The following CACNA1C variants were observed in gnomAD, a reference collection of about 807,000 sequenced individuals.
The protein encoded by CACNA1C is calcium voltage-gated channel subunit alpha1 C, also known as voltage-dependent L-type calcium channel subunit alpha-1C.
Under a neutral mutation model 229.0 loss-of-function variants are expected in CACNA1C, and 30 were observed. The ratio of observed to expected loss-of-function variants is 0.13; its 90% CI spans 0.10 to 0.18. The LOEUF is 0.18. Ranked by LOEUF, CACNA1C falls within the 10% of genes least tolerant of loss-of-function variation. The pLI is 1.00. For missense variants in CACNA1C, 1,658 were observed against 2,845.0 expected (o/e 0.58, Z 9.49); for synonymous variants, 1,114 against 1,132.5 (o/e 0.98, Z 0.33).
Position 2,354,077 on chromosome 12 carries a change from G to A in CACNA1C, c.478-94899G>A, listed in dbSNP as rs1388367926. Among the ~76,000 whole-genome samples the A allele has an allele frequency of 6.6e-6, 1 of 152,234 alleles. No homozygotes were observed. Among genetic ancestry groups the A allele is most frequent in the Non-Finnish European group, 1.5e-5 (1 of 68,028 alleles). Reference sequence around the variant, plus strand: ...GCAGGGTCCCGGGAGCTGGGTGAAAGTGGCAGAGCTGGGAGGTTGCTCTGA... The same window carrying A: ...GCAGGGTCCCGGGAGCTGGGTGAAAATGGCAGAGCTGGGAGGTTGCTCTGA... On this transcript the variant is annotated intron_variant, in intron 3 of 46. Transcript: ENST00000399655. This position sits in a 1 kb window ranked among gnomAD's most constrained non-coding sequence, Gnocchi z 4.6.
chr12:2,185,414 C>T (rs2096967518), intron 3 of CACNA1C, among the ~76,000 whole-genome samples: 1 of 152,204 alleles, frequency 6.6e-6, no homozygotes, highest in African/African-American at 2.4e-5. Flanking sequence ...TTGGGTCCCC[C>T]CAAAACTCAT....
At chr12:2,044,643 C>T (rs959668075) in intron 1 of CACNA1C, among the ~76,000 whole-genome samples, 4 of 152,080 alleles carry the variant, frequency 2.6e-5, no homozygotes, top group Non-Finnish European at 5.9e-5. Flanking sequence ...GGGATGGGAC[C>T]GCTGCAGGTT....
At chr12:2,202,983 G>C (rs974157141) in intron 3 of CACNA1C, among the ~76,000 whole-genome samples, 3 of 152,118 alleles carry the variant, frequency 2.0e-5, no homozygotes, top group Non-Finnish European at 4.4e-5. Flanking sequence ...CTAGGAGCTG[G>C]CCATTTGTAC....
Position 2,689,137 on chromosome 12 carries a change from A to T in CACNA1C, c.6117+358A>T, listed in dbSNP as rs1457478010. Among the ~76,000 whole-genome samples the T allele has an allele frequency of 2.6e-5, 4 of 152,066 alleles. No homozygotes were observed. The East Asian group carries it at 7.8e-4, about 29-fold the overall frequency. On this transcript the variant is annotated intron_variant, in intron 46 of 46. Transcript: ENST00000399655. The surrounding 1 kb of genome is among the most constrained non-coding windows in gnomAD (Gnocchi z 4.2). ...GACTGCCCGTGAGCATCACCTGGGG[A>T]GCTTTGGAAACCCGGGACAGATTAA... is the stretch of plus-strand genomic sequence containing the variant.
At chr12:2,116,209 C>G (rs956695389) in intron 2 of CACNA1C, among the ~76,000 whole-genome samples, 5 of 152,204 alleles carry the variant, frequency 3.3e-5, no homozygotes, top group Non-Finnish European at 7.4e-5. Flanking sequence ...TTCTAATGTG[C>G]AGACAAAGTT....
At chr12:2,610,764 G>GTAA in intron 28 of CACNA1C, 65 bp downstream of exon 28, 1 of 1,552,246 alleles carries the variant, frequency 6.4e-7, no homozygotes, top group East Asian at 2.3e-5. Context: ...GATGGAAAGT[G>GTAA]TAACGGAGCG....
At chr12:2,035,900 A>G (rs185410291) in intron 1 of CACNA1C, among the ~76,000 whole-genome samples, 522 of 152,024 alleles carry the variant, frequency 3.4e-3, no homozygotes, top group Non-Finnish European at 6.6e-3. Context: ...CTAAATCTCC[A>G]CCGTTGTGAT....
intron 9 of CACNA1C, among the ~76,000 whole-genome samples, chr12:2,515,407 T>A (rs2099794476): frequency 6.6e-6 from 1 of 152,208 alleles, no homozygotes; most frequent in Non-Finnish European, 1.5e-5. Flanking sequence ...CTTGAGAATT[T>A]CATAGATTGC....
exon 1 of CACNA1C, chr12:1,970,940 T>C (rs2032026345): frequency 2.3e-6 from 1 of 437,268 alleles, no homozygotes; most frequent in African/African-American, 2.1e-5. Context: ...ATGTCAACTT[T>C]TGTGGCACTG....
intron 3 of CACNA1C, 146 bp from the exon 4 acceptor site, chr12:2,448,830 T>C (rs1596535932): frequency 3.4e-6 from 2 of 592,262 alleles, no homozygotes; most frequent in East Asian, 2.9e-5. Flanking sequence ...GTGGAGTTGC[T>C]AATTTGGCCT....
intron 1 of CACNA1C, among the ~76,000 whole-genome samples, chr12:2,006,792 G>C (rs1192398367): frequency 6.6e-6 from 1 of 152,212 alleles, no homozygotes; most frequent in Non-Finnish European, 1.5e-5. Context: ...GTCATTTGCA[G>C]TCTGACTGAG....
At chr12:2,070,960 TC>T (rs2060977488) in intron 1 of CACNA1C, among the ~76,000 whole-genome samples, 1 of 82,586 alleles carries the variant, frequency 1.2e-5, no homozygotes, top group African/African-American at 4.4e-5. Flanking sequence ...CCTCCCTCCC[TC>T]CCTGCCTGCC....
intron 3 of CACNA1C, among the ~76,000 whole-genome samples, chr12:2,260,475 T>TAAAAA (rs549203538): frequency 9.9e-6 from 1 of 100,986 alleles, no homozygotes; most frequent in East Asian, 2.7e-4. Flanking sequence ...CTGTCTCTAT[T>TAAAAA]AAAAAAAAAA....
At chr12:2,439,314 C>G (rs185438470) in intron 3 of CACNA1C, among the ~76,000 whole-genome samples, 50 of 152,332 alleles carry the variant, frequency 3.3e-4, no homozygotes, top group Admixed American at 8.5e-4. Flanking sequence ...TGTTCAAACG[C>G]TGGACACCAG....
chr12:2,264,036 A>G (rs530959880), intron 3 of CACNA1C, among the ~76,000 whole-genome samples: 18 of 152,360 alleles, frequency 1.2e-4, no homozygotes, highest in Admixed American at 5.9e-4. Flanking sequence ...CCCAAAGAGC[A>G]GCAGAGTAGC....
chr12:2,161,863 T>G (rs1002101256), intron 3 of CACNA1C, among the ~76,000 whole-genome samples: 1 of 152,160 alleles, frequency 6.6e-6, no homozygotes, highest in Non-Finnish European at 1.5e-5. Flanking sequence ...GGGATCTTTG[T>G]GTTTTGTTTT....
At chr12:2,546,889 C>A (rs1047457726) in intron 9 of CACNA1C, among the ~76,000 whole-genome samples, 1 of 152,166 alleles carries the variant, frequency 6.6e-6, no homozygotes, top group South Asian at 2.1e-4. Context: ...GTAGGTCGAC[C>A]AGTGGGTTGT....
rs1448562078 is a variant in CACNA1C, at chr12:2,064,146, C to CA, written c.49+10542dup. Among the ~76,000 whole-genome samples the CA allele has an allele frequency of 3.3e-5, 5 of 151,896 alleles. No homozygotes were observed. The East Asian group carries it at 7.8e-4, about 24-fold the overall frequency. ...AGGAGTGACTGATACTGCCTCTGTT[C>CA]AAAAAAACAAAATGAAACAAAAACG... On this transcript the variant is annotated intron_variant, in intron 1 of 46. Transcript: ENST00000399655.
At chr12:2,307,664 A>C (rs922604917) in intron 3 of CACNA1C, among the ~76,000 whole-genome samples, 1 of 151,882 alleles carries the variant, frequency 6.6e-6, no homozygotes, top group East Asian at 1.9e-4. Flanking sequence ...CTCTAGATGG[A>C]GTGTTCTTTC....
Sources: gnomAD v4.1 joint callset for allele counts (sites outside exome capture counted in the v4.1 genomes callset) on GRCh38, gnomAD v4.1.1 for gene constraint, Gnocchi (gnomAD v3.1) non-coding constraint, MANE v1.5 for transcripts, NCBI Gene and HGNC (gene_info 2026-07-23, HGNC 2026-07-21) for gene names.